Variants in SYN3 observed in about 807,000 individuals in gnomAD.
SYN3 encodes the protein synapsin III.
Under a neutral mutation model 65.8 loss-of-function variants are expected in SYN3, and 35 were observed. The ratio of observed to expected loss-of-function variants is 0.53; its 90% CI spans 0.41 to 0.70. The LOEUF (loss-of-function observed/expected upper bound fraction) is 0.70. SYN3 is among the 30% of genes least tolerant of loss of function. The probability of loss-of-function intolerance (pLI) is 0.00; values close to 1 mark genes in which losing one functional copy is unlikely to be tolerated. For synonymous variants in SYN3, 270 were observed against 292.9 expected (o/e 0.92, Z 0.80); for missense variants, 680 against 749.0 (o/e 0.91, Z 1.08).
intron 4 of SYN3, among the ~76,000 whole-genome samples, chr22:32,900,755 T>C (rs2049736654): frequency 6.6e-6 from 1 of 152,242 alleles, no homozygotes; most frequent in Non-Finnish European, 1.5e-5. Flanking sequence ...TGGACATGTA[T>C]ACTATGGTCA....
intron 6 of SYN3, among the ~76,000 whole-genome samples, chr22:32,637,604 CAGTT>C (rs1283280644): frequency 1.4e-5 from 2 of 147,294 alleles, no homozygotes; most frequent in Non-Finnish European, 3.0e-5. Context: ...TAGTACCCAA[CAGTT>C]AGGTTTTCTT....
chr22:33,036,446 CA>C, intron 1 of SYN3, among the ~76,000 whole-genome samples: 1 of 152,206 alleles, frequency 6.6e-6, no homozygotes, highest in East Asian at 1.9e-4. Context: ...CAGAAATTTG[CA>C]AAGCTGATCC....
chr22:32,813,047 C>T (rs756762830), intron 6 of SYN3, among the ~76,000 whole-genome samples: 12 of 152,152 alleles, frequency 7.9e-5, no homozygotes, highest in Admixed American at 1.3e-4. Flanking sequence ...TCTCTTTTGG[C>T]CTGGATTTCC....
intron 3 of SYN3, among the ~76,000 whole-genome samples, chr22:32,970,678 A>G (rs896174888): frequency 6.6e-6 from 1 of 152,226 alleles, no homozygotes; most frequent in African/African-American, 2.4e-5. Context: ...GGAATAAGCC[A>G]GAAACATGAA....
At chr22:32,863,497 A>T (rs2146318972) in intron 6 of SYN3, among the ~76,000 whole-genome samples, 1 of 152,284 alleles carries the variant, frequency 6.6e-6, no homozygotes, top group Middle Eastern at 3.4e-3. Flanking sequence ...GGAACTCATG[A>T]GGTCTCACGA....
chr22:32,605,142 C>T (rs1477548638), intron 6 of SYN3, among the ~76,000 whole-genome samples: 1 of 151,992 alleles, frequency 6.6e-6, no homozygotes, highest in South Asian at 2.1e-4. Context: ...CTCCACAAGG[C>T]CCGGCAGACA....
At chr22:33,036,494 T>G (rs919306967) in intron 1 of SYN3, among the ~76,000 whole-genome samples, 4 of 152,080 alleles carry the variant, frequency 2.6e-5, no homozygotes, top group Non-Finnish European at 1.5e-5. Flanking sequence ...AATTAATCAC[T>G]GATAACTTTA....
At chr22:33,047,011 T>C (rs1394367175) in intron 1 of SYN3, among the ~76,000 whole-genome samples, 2 of 152,064 alleles carry the variant, frequency 1.3e-5, no homozygotes, top group Non-Finnish European at 2.9e-5. Flanking sequence ...GGTACTCTTT[T>C]CTACAGGTAT....
intron 4 of SYN3, among the ~76,000 whole-genome samples, chr22:32,891,629 G>C (rs2049449909): frequency 6.6e-6 from 1 of 152,204 alleles, no homozygotes; most frequent in Non-Finnish European, 1.5e-5. Context: ...TAAGCAAGGT[G>C]CTTAAACTGT....
chr22:32,766,475 T>G (rs1198550331), intron 6 of SYN3, among the ~76,000 whole-genome samples: 1 of 152,222 alleles, frequency 6.6e-6, no homozygotes, highest in East Asian at 1.9e-4. Context: ...AGGGACCTGA[T>G]GCTCAGAGAA....
chr22:33,014,303 G>A (rs537355050), intron 1 of SYN3: 1 of 152,144 alleles, frequency 6.6e-6, no homozygotes, highest in Non-Finnish European at 1.5e-5. Flanking sequence ...TGGGCACCTA[G>A]GTTAGTTCCA....
chr22:32,764,196 G>C (rs2045563970), intron 6 of SYN3, among the ~76,000 whole-genome samples: 1 of 152,118 alleles, frequency 6.6e-6, no homozygotes, highest in African/African-American at 2.4e-5. Context: ...ACCCGCCTCG[G>C]CCTCCCAAAG....
At chr22:32,601,840 A>C (rs964832651) in intron 6 of SYN3, among the ~76,000 whole-genome samples, 5 of 152,122 alleles carry the variant, frequency 3.3e-5, no homozygotes, top group African/African-American at 1.2e-4. Context: ...GCCAGGGGCC[A>C]GTTTGGAATT....
At chr22:32,725,562 C>T (rs975330949) in intron 6 of SYN3, among the ~76,000 whole-genome samples, 7 of 152,160 alleles carry the variant, frequency 4.6e-5, no homozygotes, top group Admixed American at 1.3e-4. Flanking sequence ...CTGATGGGTC[C>T]GTGAAATTAG....
At chr22:32,630,173 G>A (rs1320910419) in intron 6 of SYN3, among the ~76,000 whole-genome samples, 1 of 151,744 alleles carries the variant, frequency 6.6e-6, no homozygotes, top group Non-Finnish European at 1.5e-5. Context: ...TAGTAGAGAC[G>A]GGGTTTCACC....
At chr22:32,812,790 C>T (rs528262043) in intron 6 of SYN3, among the ~76,000 whole-genome samples, 1 of 152,316 alleles carries the variant, frequency 6.6e-6, no homozygotes, top group South Asian at 2.1e-4. Context: ...CAAACGTGTG[C>T]CCCATTGGGC....
At chr22:32,988,838 A>ACC (rs1208093812) in intron 2 of SYN3, among the ~76,000 whole-genome samples, 1 of 151,966 alleles carries the variant, frequency 6.6e-6, no homozygotes, top group Non-Finnish European at 1.5e-5. Context: ...TCCTGGGGGC[A>ACC]CCCAGGAGAG....
chr22:32,884,763 G>A (rs1476340211), intron 4 of SYN3, among the ~76,000 whole-genome samples: 1 of 152,130 alleles, frequency 6.6e-6, no homozygotes, highest in Non-Finnish European at 1.5e-5. Flanking sequence ...TGTAATTTCA[G>A]CTACTCAAGA....
At chr22:32,528,244 G>A (rs1425821644) in intron 11 of SYN3, among the ~76,000 whole-genome samples, 1 of 152,186 alleles carries the variant, frequency 6.6e-6, no homozygotes, top group Non-Finnish European at 1.5e-5. Flanking sequence ...CCCCTTCCCA[G>A]CCAGCAGCCC....
Sources: gnomAD v4.1 joint callset for allele counts (sites outside exome capture counted in the v4.1 genomes callset) on GRCh38, gnomAD v4.1.1 for gene constraint, MANE v1.5 for transcripts, NCBI Gene and HGNC (gene_info 2026-07-23, HGNC 2026-07-21) for gene names.